The following ENTPD5 variants were observed in gnomAD, a reference collection of about 807,000 sequenced individuals.
The protein encoded by ENTPD5 is nucleoside diphosphate phosphatase ENTPD5.
In ENTPD5, 49 loss-of-function variants were observed where a neutral mutation model predicts 60.2. The ratio of observed to expected loss-of-function variants is 0.81; its 90% CI spans 0.65 to 1.03. The LOEUF (loss-of-function observed/expected upper bound fraction) is 1.03. ENTPD5 is among the 50% of genes least tolerant of loss of function. The pLI is 0.00. For synonymous variants in ENTPD5, 187 were observed against 185.4 expected (o/e 1.01, Z -0.07); for missense variants, 480 against 507.6 (o/e 0.95, Z 0.52).
chr14:73,957,128 C>T (rs997825789), downstream of ENTPD5, among the ~76,000 whole-genome samples: 10 of 150,042 alleles, frequency 6.7e-5, no homozygotes, highest in East Asian at 2.0e-4. Context: ...GATGGAGTCT[C>T]GCTCTGTCGC....
At chr14:73,971,070 T>C (rs2057201671) in intron 14 of ENTPD5, among the ~76,000 whole-genome samples, 1 of 152,072 alleles carries the variant, frequency 6.6e-6, no homozygotes, top group Non-Finnish European at 1.5e-5. Context: ...TCATTAACAC[T>C]GATAACACTA....
intron 6 of ENTPD5, among the ~76,000 whole-genome samples, chr14:73,981,362 G>C (rs2057681384): frequency 6.6e-6 from 1 of 151,836 alleles, no homozygotes; most frequent in Non-Finnish European, 1.5e-5. Context: ...AGCCAGGCGT[G>C]GTGGTGCATG....
chr14:73,993,184 A>C (rs2058208661), intron 3 of ENTPD5, among the ~76,000 whole-genome samples: 1 of 152,052 alleles, frequency 6.6e-6, no homozygotes, highest in African/African-American at 2.4e-5. Context: ...CAAAAGTACA[A>C]AAATTAGTTG....
Position 73,976,317 on chromosome 14 carries a change from G to T in ENTPD5, c.642+7C>A. The T allele has an allele frequency of 1.2e-6, 2 of 1,612,530 alleles. No individual in the cohort carries two copies. Among genetic ancestry groups the T allele is most frequent in the South Asian group, 2.2e-5 (2 of 91,004 alleles). The stretch of plus-strand genomic sequence containing the variant: ...ACTTCTAACCAGATCTTCATTAAAT[G>T]ACTCACCTCAAACTGGGGCAGGAAC... On this transcript the variant is annotated splice_region_variant and intron_variant, in intron 9 of 15. Transcript: ENST00000334696.
chr14:73,979,780 C>G (rs1795046152), intron 6 of ENTPD5, among the ~76,000 whole-genome samples: 1 of 151,818 alleles, frequency 6.6e-6, no homozygotes, highest in Non-Finnish European at 1.5e-5. Context: ...CCAGTAAGCA[C>G]TCTTATGTTG....
chr14:74,016,235 C>T (rs941666968), intron 1 of ENTPD5, among the ~76,000 whole-genome samples: 38 of 152,284 alleles, frequency 2.5e-4, no homozygotes, highest in African/African-American at 8.7e-4. Flanking sequence ...ACTCTATATC[C>T]ACCTCTACCA....
rs2058969195 is a variant in ENTPD5 at position 74,014,937 on chromosome 14, C to T, written c.-131+887G>A. Among the ~76,000 whole-genome samples the T allele has an allele frequency of 6.6e-5, 10 of 152,082 alleles. 1 individual carries two copies. The South Asian group carries it at 2.1e-3, about 32-fold the overall frequency. ...GTCTCTACTAAAATACAAAAATTAG[C>T]CGGGCATGGTGGCAGGCATCTGTAA... On this transcript the variant is annotated intron_variant, in intron 2 of 15. Transcript: ENST00000334696.
chr14:74,016,699 A>G (rs1007770109), intron 1 of ENTPD5, among the ~76,000 whole-genome samples: 1 of 152,242 alleles, frequency 6.6e-6, no homozygotes, highest in African/African-American at 2.4e-5. Context: ...CTAAGGTACT[A>G]CGCATACATT....
intron 6 of ENTPD5, among the ~76,000 whole-genome samples, chr14:73,982,290 G>T (rs1221753555): frequency 1.3e-5 from 2 of 151,990 alleles, no homozygotes; most frequent in Non-Finnish European, 2.9e-5. Context: ...AGCCAGGCTG[G>T]TCTCAAACTC....
chr14:73,970,823 T>C (rs1043911662), intron 14 of ENTPD5, among the ~76,000 whole-genome samples: 2 of 152,070 alleles, frequency 1.3e-5, no homozygotes, highest in Admixed American at 6.6e-5. Flanking sequence ...TTTAAAAACT[T>C]TTTATTAATT....
downstream of ENTPD5, among the ~76,000 whole-genome samples, chr14:73,962,136 TG>T (rs1415666033): frequency 2.0e-5 from 3 of 151,940 alleles, no homozygotes; most frequent in African/African-American, 7.3e-5. Flanking sequence ...TTAGTAGAGA[TG>T]GGGTTTCACC....
At chr14:73,956,058 C>G, downstream of ENTPD5, 5 of 1,360,678 alleles carry the variant, frequency 3.7e-6, no homozygotes, top group South Asian at 2.3e-5. Flanking sequence ...GGTGCGGTGG[C>G]TCACGCCTGT....
downstream of ENTPD5, chr14:73,961,953 T>C: frequency 1.9e-6 from 3 of 1,603,728 alleles, no homozygotes; most frequent in South Asian, 1.1e-5. Context: ...TTAATTTCTT[T>C]TGCTTTTTTT....
chr14:73,975,037 C>T (rs751608677), intron 10 of ENTPD5, 52 bp from the exon 11 acceptor site: 1 of 1,320,424 alleles, frequency 7.6e-7, no homozygotes, highest in African/African-American at 1.4e-5. Flanking sequence ...GTTCTCTAGC[C>T]TAAAGCTACC....
intron 2 of ENTPD5, among the ~76,000 whole-genome samples, chr14:74,011,598 A>G (rs2058847349): frequency 6.6e-6 from 1 of 152,090 alleles, no homozygotes; most frequent in Non-Finnish European, 1.5e-5. Flanking sequence ...GGAGTTTGTG[A>G]CCAACCTGGG....
chr14:73,974,078 C>T, intron 11 of ENTPD5, 100 bp from the exon 12 acceptor site: 1 of 908,810 alleles, frequency 1.1e-6, no homozygotes, highest in Non-Finnish European at 1.8e-6. Context: ...ACCATGGGGG[C>T]TGGGCCTTAA....
At chr14:73,989,021 AC>A (rs2140653308) in intron 3 of ENTPD5, among the ~76,000 whole-genome samples, 1 of 151,828 alleles carries the variant, frequency 6.6e-6, no homozygotes, top group East Asian at 2.0e-4. Flanking sequence ...ACGGGGTTTC[AC>A]CATGTTGGTC....
intron 2 of ENTPD5, among the ~76,000 whole-genome samples, chr14:74,011,975 A>C (rs1196052788): frequency 6.6e-6 from 1 of 152,230 alleles, no homozygotes; most frequent in African/African-American, 2.4e-5. Flanking sequence ...GGAACAAAAA[A>C]GTTAAACTTA....
chr14:73,957,098 A>ATTT (rs1265250285), downstream of ENTPD5, among the ~76,000 whole-genome samples: 4 of 127,508 alleles, frequency 3.1e-5, no homozygotes, highest in Middle Eastern at 4.0e-3. Flanking sequence ...TATTATTATT[A>ATTT]TTATTTTTTT....
Sources: gnomAD v4.1 joint callset for allele counts (sites outside exome capture counted in the v4.1 genomes callset) on GRCh38, gnomAD v4.1.1 for gene constraint, MANE v1.5 for transcripts, NCBI Gene and HGNC (gene_info 2026-07-23, HGNC 2026-07-21) for gene names.